NPHS2: variants seen among roughly 807,000 people sequenced by gnomAD.
NPHS2 encodes podocin.
A neutral mutation model predicts 37.1 loss-of-function variants in NPHS2; 36 were observed. The observed-to-expected ratio is 0.97, with a 90% CI of 0.74 to 1.28. NPHS2 has a LOEUF of 1.28. Ranked by LOEUF, NPHS2 falls within the 50% of genes most tolerant of loss-of-function variation. The pLI, the probability that NPHS2 is intolerant of heterozygous loss-of-function variation, is 0.00. For missense variants in NPHS2, 447 were observed against 488.1 expected (o/e 0.92, Z 0.79); for synonymous variants, 196 against 189.3 (o/e 1.04, Z -0.29).
chr1:179,557,026 C>T lies in NPHS2; in HGVS notation c.738+1G>A, dbSNP rs1673954981. 6.2e-7 allele frequency: 1 copy of T among 1,610,396 alleles called. No homozygotes were observed. The highest frequency in any genetic ancestry group is 8.5e-7 in the Non-Finnish European group (1 of 1,177,206). On this transcript the variant is annotated splice_donor_variant, in intron 5 of 7. Coordinates refer to ENST00000367615, the MANE Select transcript of NPHS2 (RefSeq NM_014625.4). LOFTEE classifies it high-confidence loss of function. ...ATTGGCCATTATGTTTATCTAAGTA[C>T]CTTTGCATCTTGGGCGATGCTCTTC...
chr1:179,567,281 C>A (rs192775471), intron 1 of NPHS2, among the ~76,000 whole-genome samples: 31 of 152,266 alleles, frequency 2.0e-4, no homozygotes, highest in African/African-American at 7.0e-4. Flanking sequence ...AGGTCCTTCA[C>A]GTCCCTTGTA....
intron 1 of NPHS2, among the ~76,000 whole-genome samples, chr1:179,572,941 C>T (rs765336761): frequency 2.6e-5 from 4 of 151,954 alleles, no homozygotes; most frequent in South Asian, 2.1e-4. Flanking sequence ...CTCAAGCAGT[C>T]CCCCCACCTT....
chr1:179,570,101 T>A lies in NPHS2; in HGVS notation c.275-5308A>T, dbSNP rs55979247. On this transcript the variant is annotated intron_variant, in intron 1 of 7. Transcript: ENST00000367615. ...TTAAATGTTGGCCTGCCTTGCTAGA[T>A]TGGGGAAGTTCTCCTGGATAATATC... Among the ~76,000 whole-genome samples the A allele has an allele frequency of 4.7e-3, 717 of 152,306 alleles. 4 individuals are homozygous for A. The highest frequency in any genetic ancestry group is 0.016 in the African/African-American group (655 of 41,564).
In NPHS2 at chr1:179,564,707, T is replaced by A; in HGVS notation, c.361A>T (p.Ile121Phe). Residue 121 changes from isoleucine to phenylalanine, a missense_variant, in exon 2 of 8, where the codon ATC becomes TTC. Ile to Phe is a conservative substitution (Grantham distance 21, BLOSUM62 0). Transcript: ENST00000367615. ...LFIIMTFPFS[I>F]WFCVKVVQEY... ...AATCTCACCTTTACGCAGAACCAGA[T>A]GGAAAAAGGGAAGGTCATGATGATG... 6.2e-7 allele frequency: 1 copy of A among 1,613,280 alleles called. No individual in the cohort carries two copies. Among genetic ancestry groups the A allele is most frequent in the Non-Finnish European group, 8.5e-7 (1 of 1,179,790 alleles).
intron 3 of NPHS2, among the ~76,000 whole-genome samples, chr1:179,559,964 C>T (rs2125786800): frequency 6.6e-6 from 1 of 152,220 alleles, no homozygotes; most frequent in South Asian, 2.1e-4. Context: ...TAGGTATAAA[C>T]AGGGATTATT....
rs554374156 is a variant in NPHS2, at chr1:179,553,645, G to A, written c.794+831C>T. Among the ~76,000 whole-genome samples, 6 of 152,246 alleles carry A rather than the reference G, an allele frequency of 3.9e-5. No individual in the cohort carries two copies. In the East Asian group the frequency reaches 9.6e-4, roughly 24 times the overall value. On this transcript the variant is annotated intron_variant, in intron 6 of 7. Coordinates refer to ENST00000367615, the MANE Select transcript of NPHS2 (RefSeq NM_014625.4). ...ACTTAACAAGTACAGGCTTCCTTTC[G>A]GGATGATGAAAATGTTCTGAAATTA...
Position 179,561,341 on chromosome 1 carries a change from T to A in NPHS2, c.399A>T (p.Arg133Ser), listed in dbSNP as rs1354893233. 1.2e-6 allele frequency: 2 copies of A among 1,611,570 alleles called. No individual in the cohort carries two copies. Among genetic ancestry groups the A allele is most frequent in the Admixed American group, 3.3e-5 (2 of 60,014 alleles). Residue 133 changes from arginine (R) to serine (S), a missense_variant, in exon 3 of 8, where the codon AGA becomes AGT. Arg to Ser is a moderately radical substitution (Grantham distance 110, BLOSUM62 -1). Transcript: ENST00000367615. ...FCVKVVQEYE[R>S]VIIFRLGHLL... ...GATGTCCCAGTCGGAATATAATTAC[T>A]CTTTCATACTCTTGTACAACCTAAA...
At chr1:179,559,577 A>G (rs1343730066) in intron 4 of NPHS2, 102 bp downstream of exon 4, 12 of 796,894 alleles carry the variant, frequency 1.5e-5, no homozygotes, top group Non-Finnish European at 6.3e-6. Flanking sequence ...AGTCCATATC[A>G]TTATTTTTCT....
intron 2 of NPHS2, among the ~76,000 whole-genome samples, chr1:179,562,198 C>T (rs1674166934): frequency 1.3e-5 from 2 of 152,086 alleles, no homozygotes; most frequent in African/African-American, 2.4e-5. Flanking sequence ...TTTTAAATGA[C>T]AAAAAGAATC....
chr1:179,575,709 C>T lies in NPHS2; in HGVS notation c.156G>A (p.Gly52=), dbSNP rs1674735492. 4 of 1,561,232 alleles carry T rather than the reference C, an allele frequency of 2.6e-6. No individual in the cohort carries two copies. The highest frequency in any genetic ancestry group is 1.4e-5 in the African/African-American group (1 of 74,062). ...GPEPSGSGRA[G]TPGEPRAPAA... is the part of the protein sequence containing the mutation. ...CGGGCGCTCGGGGCTCCCCCGGGGT[C>T]CCCGCCCGTCCGGAGCCCGACGGCT... is the stretch of plus-strand genomic sequence containing the variant. Residue 52 remains glycine, a synonymous_variant, in exon 1 of 8, where the codon GGG becomes GGA. Coordinates refer to ENST00000367615, the MANE Select transcript of NPHS2 (RefSeq NM_014625.4).
intron 7 of NPHS2, chr1:179,552,258 CTAGAAGT>C (rs1006537079): frequency 5.4e-6 from 2 of 368,400 alleles, no homozygotes; most frequent in Non-Finnish European, 1.0e-5. Flanking sequence ...TAGGGGATAC[CTAGAAGT>C]TAGAAGTTAG....
At chr1:179,554,691 G>A in intron 5 of NPHS2, 160 bp from the exon 6 acceptor site, 1 of 946,776 alleles carries the variant, frequency 1.1e-6, no homozygotes, top group Non-Finnish European at 1.7e-6. Flanking sequence ...GCAAAGAGTT[G>A]TTTAACTTGC....
In NPHS2 at chr1:179,556,312, C is replaced by T. The variant is rs1673926355; in HGVS notation, c.738+715G>A. Among the ~76,000 whole-genome samples the T allele has an allele frequency of 6.6e-6, 1 of 152,196 alleles. No homozygotes were observed. The highest frequency in any genetic ancestry group is 6.5e-5 in the Admixed American group (1 of 15,286). ...GTCCCCACTGCTTCAGTGACAGGCT[C>T]CATTGCTGGTGGTAATTGCCACTCC... is the stretch of plus-strand genomic sequence containing the variant. On this transcript the variant is annotated intron_variant, in intron 5 of 7. Transcript: ENST00000367615. The surrounding 1 kb of genome is among the most constrained non-coding windows in gnomAD (Gnocchi z 4.1).
intron 1 of NPHS2, among the ~76,000 whole-genome samples, chr1:179,567,281 C>T (rs192775471): frequency 6.6e-6 from 1 of 152,148 alleles, no homozygotes; most frequent in Non-Finnish European, 1.5e-5. Flanking sequence ...AGGTCCTTCA[C>T]GTCCCTTGTA....
At position 179,575,699 on chromosome 1, in the gene NPHS2, C is replaced by T. The variant is rs1167223941; in HGVS notation, c.166G>A (p.Glu56Lys). Residue 56 changes from glutamate to lysine, a missense_variant, in exon 1 of 8, where the codon GAG becomes AAG. By Grantham distance (56) the Glu-to-Lys change is moderately conservative. Transcript: ENST00000367615. ...SGSGRAGTPG[E>K]PRAPAATVVD... Reference sequence around the variant, plus strand: ...ACCGTGGCGGCGGGCGCTCGGGGCTCCCCCGGGGTCCCCGCCCGTCCGGAG... The same window carrying T: ...ACCGTGGCGGCGGGCGCTCGGGGCTTCCCCGGGGTCCCCGCCCGTCCGGAG... The T allele has an allele frequency of 1.3e-6, 2 of 1,573,688 alleles. No individual in the cohort carries two copies. Among genetic ancestry groups the T allele is most frequent in the Non-Finnish European group, 1.7e-6 (2 of 1,165,540 alleles).
intron 3 of NPHS2, among the ~76,000 whole-genome samples, chr1:179,560,322 T>G (rs1006234448): frequency 6.6e-6 from 1 of 152,150 alleles, no homozygotes; most frequent in Non-Finnish European, 1.5e-5. Flanking sequence ...GCAATAAACA[T>G]TTGTAGATTG....
intron 7 of NPHS2, chr1:179,552,342 A>G (rs1245573679): frequency 9.2e-6 from 5 of 543,022 alleles, no homozygotes; most frequent in Non-Finnish European, 1.7e-5. Flanking sequence ...TGTGGAGGAG[A>G]TGCCTTTAAG....
rs958941609 is a variant in NPHS2, at chr1:179,550,841, A to T, written c.*332T>A. 2 of 376,890 alleles carry T rather than the reference A, an allele frequency of 5.3e-6. No homozygotes were observed. Among genetic ancestry groups the T allele is most frequent in the Admixed American group, 7.5e-5 (2 of 26,814 alleles). 23.3% of individuals were successfully genotyped at this position (376,890 alleles called of 1,614,324 possible). On this transcript the variant is annotated 3_prime_UTR_variant, in exon 8 of 8. Transcript: ENST00000367615. ...GCAACCTTGCCAAAGGGGTCAGAGG[A>T]CATACAGTGAAAGGGACATCTGAAC...
At chr1:179,569,948 C>T (rs1031536390) in intron 1 of NPHS2, among the ~76,000 whole-genome samples, 7 of 152,284 alleles carry the variant, frequency 4.6e-5, no homozygotes, top group Admixed American at 6.5e-5. Context: ...GTGGGTAACT[C>T]GACCTTTCTC....
Sources: allele counts gnomAD v4.1 joint callset (sites outside exome capture counted in the v4.1 genomes callset), GRCh38; gene constraint gnomAD v4.1.1; non-coding constraint Gnocchi (gnomAD v3.1); transcripts MANE v1.5; gene names NCBI Gene and HGNC (gene_info 2026-07-23, HGNC 2026-07-21).